Variants in ROR2 observed in about 807,000 individuals in gnomAD.
ROR2 encodes tyrosine-protein kinase transmembrane receptor ROR2.
Under a neutral mutation model 74.9 loss-of-function variants are expected in ROR2, and 33 were observed. That is an observed-to-expected ratio of 0.44 (90% CI 0.33 to 0.59). The LOEUF is 0.59. Ranked by LOEUF, ROR2 falls within the 20% of genes least tolerant of loss-of-function variation. The pLI is 0.02. For missense variants in ROR2, 1,216 were observed against 1,313.8 expected (o/e 0.93, Z 1.15); for synonymous variants, 586 against 558.7 (o/e 1.05, Z -0.69).
intron 1 of ROR2, among the ~76,000 whole-genome samples, chr9:91,825,209 G>A (rs1445223398): frequency 6.6e-6 from 1 of 152,214 alleles, no homozygotes; most frequent in African/African-American, 2.4e-5. Context: ...CGGTAATCAG[G>A]GAAGGCTGAG....
intron 1 of ROR2, among the ~76,000 whole-genome samples, chr9:91,912,498 A>G: frequency 6.6e-6 from 1 of 152,140 alleles, no homozygotes; most frequent in Middle Eastern, 3.2e-3. Context: ...CAAAATATAT[A>G]CTACTATGTA....
At chr9:91,792,684 GA>G (rs1217279554) in intron 1 of ROR2, among the ~76,000 whole-genome samples, 23 of 152,112 alleles carry the variant, frequency 1.5e-4, no homozygotes, top group African/African-American at 5.1e-4. Context: ...TTAATATTAA[GA>G]ATATTAAGAA....
chr9:91,756,936 G>A (rs1587690036), intron 3 of ROR2, among the ~76,000 whole-genome samples: 1 of 151,958 alleles, frequency 6.6e-6, no homozygotes, highest in East Asian at 1.9e-4. Context: ...TTTTAGTAGA[G>A]ATGGAGTTTC....
At chr9:91,760,942 T>TTTTC (rs528869576) in intron 2 of ROR2, among the ~76,000 whole-genome samples, 113 of 152,320 alleles carry the variant, frequency 7.4e-4, no homozygotes, top group Middle Eastern at 3.4e-3. Flanking sequence ...TGTAAATACT[T>TTTTC]TTTCTATTAT....
rs1215524679 is a variant in ROR2 at position 91,938,292 on chromosome 9, C to CT, written c.97+11574dup. On this transcript the variant is annotated intron_variant, in intron 1 of 8. Coordinates refer to ENST00000375708, the MANE Select transcript of ROR2 (RefSeq NM_004560.4). ...TGAACAACATAGTGAGACTCTTTCT[C>CT]TTACAAAAATTTTTTTTTTAGTTAG... 2.0e-5 allele frequency among the ~76,000 whole-genome samples: 3 copies of CT among 152,224 alleles called. No individual in the cohort carries two copies. In the East Asian group the frequency reaches 5.8e-4, roughly 29 times the overall value.
chr9:91,840,920 A>G (rs2119215905), intron 1 of ROR2, among the ~76,000 whole-genome samples: 1 of 152,372 alleles, frequency 6.6e-6, no homozygotes, highest in South Asian at 2.1e-4. Context: ...ATGTGAGACC[A>G]TTATAGATGT....
chr9:91,859,048 G>C (rs1160451124), intron 1 of ROR2, among the ~76,000 whole-genome samples: 1 of 152,134 alleles, frequency 6.6e-6, no homozygotes, highest in African/African-American at 2.4e-5. Flanking sequence ...AAAGGGCTCG[G>C]GAGCCAGGCA....
chr9:91,782,688 G>A (rs954996219), intron 1 of ROR2, among the ~76,000 whole-genome samples: 1 of 151,610 alleles, frequency 6.6e-6, no homozygotes, highest in Non-Finnish European at 1.5e-5. Flanking sequence ...GGTTAGACAA[G>A]CTTGCTTTAA....
Position 91,758,097 on chromosome 9 carries a change from GA to G in ROR2, c.176-539del, listed in dbSNP as rs1280097862. Reference sequence around the variant, plus strand: ...AGAAACTTGGCACTAAATAGACCAAGAAAAGGCCACATGTTCACAATATGAG... The same window carrying G: ...AGAAACTTGGCACTAAATAGACCAAGAAAGGCCACATGTTCACAATATGAG... On this transcript the variant is annotated intron_variant, in intron 2 of 8. Coordinates refer to ENST00000375708, the MANE Select transcript of ROR2 (RefSeq NM_004560.4). Among the ~76,000 whole-genome samples, 4 of 152,164 alleles carry G rather than the reference GA, an allele frequency of 2.6e-5. No individual in the cohort carries two copies. The South Asian group carries it at 6.2e-4, about 24-fold the overall frequency.
At chr9:91,880,884 G>C (rs1453204214) in intron 1 of ROR2, among the ~76,000 whole-genome samples, 1 of 152,208 alleles carries the variant, frequency 6.6e-6, no homozygotes, top group Non-Finnish European at 1.5e-5. Context: ...TGCTCAAAGG[G>C]ACATTACTGG....
chr9:91,869,258 A>G (rs1832022289), intron 1 of ROR2, among the ~76,000 whole-genome samples: 1 of 152,128 alleles, frequency 6.6e-6, no homozygotes. Flanking sequence ...CAGAGTCTCA[A>G]TAAATTCCAG....
rs570694382 is a variant in ROR2, at chr9:91,925,143, G to T, written c.97+24724C>A. On this transcript the variant is annotated intron_variant, in intron 1 of 8. Transcript: ENST00000375708. ...GCTGAGATTACAGGTGTGAACCACT[G>T]CACCTGACCATGTTTGCATTTTTAA... Among the ~76,000 whole-genome samples, 14 of 152,202 alleles carry T rather than the reference G, an allele frequency of 9.2e-5. 1 individual carries two copies. The South Asian group carries it at 2.9e-3, about 32-fold the overall frequency.
chr9:91,859,887 C>T (rs1348316820), intron 1 of ROR2, among the ~76,000 whole-genome samples: 1 of 152,212 alleles, frequency 6.6e-6, no homozygotes. Context: ...GCAGCTCCAC[C>T]TGGCGGGACC....
chr9:91,746,865 TG>T (rs1825438175), intron 4 of ROR2, among the ~76,000 whole-genome samples: 2 of 138,384 alleles, frequency 1.4e-5, no homozygotes, highest in South Asian at 4.5e-4. Flanking sequence ...CAGGTGTGTG[TG>T]TGTGTGTGTG....
chr9:91,760,527 G>A (rs771614961), intron 2 of ROR2, among the ~76,000 whole-genome samples: 22 of 151,894 alleles, frequency 1.4e-4, no homozygotes, highest in Non-Finnish European at 2.1e-4. Context: ...CTTGCTACTC[G>A]GGAGGCTGAG....
chr9:91,823,352 C>G (rs1166609598), intron 1 of ROR2, among the ~76,000 whole-genome samples: 1 of 148,170 alleles, frequency 6.7e-6, no homozygotes, highest in African/African-American at 2.5e-5. Context: ...TTTTTTTTTT[C>G]AAGACGGAAT....
intron 4 of ROR2, among the ~76,000 whole-genome samples, chr9:91,738,559 C>T (rs1032810175): frequency 2.6e-5 from 4 of 152,164 alleles, no homozygotes; most frequent in African/African-American, 4.8e-5. Flanking sequence ...TTTATGATAA[C>T]GATGACAATC....
chr9:91,793,529 G>A (rs10992112), intron 1 of ROR2, among the ~76,000 whole-genome samples: 4,321 of 152,214 alleles, frequency 0.028, 125 homozygotes, highest in East Asian at 0.16. Context: ...TTGGGAGGCT[G>A]GTGCGGGTGG....
intron 1 of ROR2, among the ~76,000 whole-genome samples, chr9:91,895,122 A>T (rs1259020526): frequency 6.6e-6 from 1 of 152,248 alleles, no homozygotes; most frequent in East Asian, 1.9e-4. Context: ...GAAAAGAGAT[A>T]GAGCAAACTT....
Sources: gnomAD v4.1 joint callset for allele counts (sites outside exome capture counted in the v4.1 genomes callset) on GRCh38, gnomAD v4.1.1 for gene constraint, MANE v1.5 for transcripts, NCBI Gene and HGNC (gene_info 2026-07-23, HGNC 2026-07-21) for gene names.